The following C2orf42 variants were observed in gnomAD, a reference collection of about 807,000 sequenced individuals.
C2orf42 encodes the protein uncharacterized protein C2orf42.
A neutral mutation model predicts 58.9 loss-of-function variants in C2orf42; 44 were observed. That is an observed-to-expected ratio of 0.75 (90% CI 0.59 to 0.96). The LOEUF (loss-of-function observed/expected upper bound fraction) is 0.96. C2orf42 is among the 40% of genes least tolerant of loss of function. C2orf42 has a pLI of 0.00. For synonymous variants in C2orf42, 239 were observed against 265.4 expected, an observed-to-expected ratio of 0.90 and a Z score of 0.97; for missense variants, 630 against 699.2, an observed-to-expected ratio of 0.90 and a Z score of 1.12.
intron 9 of C2orf42, among the ~76,000 whole-genome samples, chr2:70,157,957 T>C (rs187483190): frequency 6.6e-6 from 1 of 152,176 alleles, no homozygotes; most frequent in African/African-American, 2.4e-5. Flanking sequence ...TCCCAGCACT[T>C]TGGGAGGCCG....
At position 70,159,683 on chromosome 2, in the gene C2orf42, CAGACTT is replaced by C. The variant is rs1368236856; in HGVS notation, c.1516+936_1516+941del. Among the ~76,000 whole-genome samples the C allele has an allele frequency of 2.6e-5, 4 of 151,932 alleles. No individual in the cohort carries two copies. In the East Asian group the frequency reaches 7.7e-4, roughly 29 times the overall value. On this transcript the variant is annotated intron_variant, in intron 9 of 9. Transcript: ENST00000264434. The stretch of plus-strand genomic sequence containing the variant: ...GATGAAATTCAAGTACAGTCTAAAA[CAGACTT>C]AGAAGAGATTTTAATTTTTCTTCTT...
intron 9 of C2orf42, among the ~76,000 whole-genome samples, chr2:70,159,904 A>G (rs550301541): frequency 6.6e-6 from 1 of 152,286 alleles, no homozygotes; most frequent in South Asian, 2.1e-4. Flanking sequence ...TATTAAAACT[A>G]AGAGATTTCC....
chr2:70,179,878 G>A (rs917888734), intron 3 of C2orf42, among the ~76,000 whole-genome samples: 1 of 152,006 alleles, frequency 6.6e-6, no homozygotes, highest in Non-Finnish European at 1.5e-5. Context: ...GGTCAAGGCT[G>A]TAATGAGCCG....
intron 6 of C2orf42, among the ~76,000 whole-genome samples, chr2:70,167,855 AGG>A (rs2104900052): frequency 6.6e-6 from 1 of 152,252 alleles, no homozygotes; most frequent in East Asian, 1.9e-4. Context: ...GATGGAATAG[AGG>A]GTGGTACAGG....
chr2:70,189,923 T>C (rs1675228633), intron 1 of C2orf42, among the ~76,000 whole-genome samples: 1 of 151,200 alleles, frequency 6.6e-6, no homozygotes, highest in Admixed American at 6.6e-5. Context: ...TATGCTATTC[T>C]TGGTTTTACT....
intron 9 of C2orf42, among the ~76,000 whole-genome samples, chr2:70,156,026 A>G (rs1435974841): frequency 6.7e-6 from 1 of 149,792 alleles, no homozygotes; most frequent in African/African-American, 2.5e-5. Context: ...ATGGTGGCAC[A>G]TGCCTGTAAT....
chr2:70,165,432 C>CT lies in C2orf42; in HGVS notation c.1252+95dup. The CT allele has an allele frequency of 4.0e-6, 3 of 752,904 alleles. No homozygotes were observed. The South Asian group carries it at 4.8e-5, about 12-fold the overall frequency. The allele number at this position is 752,904 out of a possible 1,614,324, so 46.6% of individuals were successfully genotyped here. ...AGACATGTGAGTAGAAGTCCTAACT[C>CT]TGAATACTCACGGTGAATATTCCAC... On this transcript the variant is annotated intron_variant, in intron 7 of 9. Coordinates refer to ENST00000264434, the MANE Select transcript of C2orf42 (RefSeq NM_017880.3).
intron 3 of C2orf42, among the ~76,000 whole-genome samples, chr2:70,180,607 CAAA>C (rs59381817): frequency 3.5e-5 from 2 of 57,060 alleles, no homozygotes; most frequent in African/African-American, 6.7e-5. Context: ...GATTCTGTCT[CAAA>C]AAAAAAAAAA....
At position 70,181,591 on chromosome 2, in the gene C2orf42, T is replaced by C; in HGVS notation, c.395A>G (p.Gln132Arg). ...CACCGCCAGCTTGATGTGCTGGCAC[T>C]GGTTTTCCACAACGCCTTGAGTGGC... ...KAATQGVVEN[Q>R]CQHIKLAVNC... is the part of the protein sequence containing the mutation. Residue 132 changes from glutamine to arginine, a missense_variant, in exon 3 of 10, where the codon CAG (glutamine) becomes CGG (arginine). Physicochemically the swap from Gln to Arg is conservative, Grantham distance 43. Transcript: ENST00000264434. The C allele has an allele frequency of 6.2e-7, 1 of 1,614,134 alleles. No individual in the cohort carries two copies. Among genetic ancestry groups the C allele is most frequent in the Non-Finnish European group, 8.5e-7 (1 of 1,180,016 alleles).
chr2:70,152,494 G>A (rs1053702801), intron 9 of C2orf42, among the ~76,000 whole-genome samples: 1 of 152,198 alleles, frequency 6.6e-6, no homozygotes, highest in African/African-American at 2.4e-5. Context: ...TGGATGGAAA[G>A]AAACCTACCC....
intron 1 of C2orf42, among the ~76,000 whole-genome samples, chr2:70,185,365 G>A (rs1049684299): frequency 1.3e-5 from 2 of 151,816 alleles, no homozygotes; most frequent in East Asian, 1.9e-4. Context: ...CTGAGATCAC[G>A]CCATTGCACT....
At chr2:70,180,897 G>A (rs1399002713) in intron 3 of C2orf42, among the ~76,000 whole-genome samples, 1 of 150,736 alleles carries the variant, frequency 6.6e-6, no homozygotes, top group African/African-American at 2.4e-5. Flanking sequence ...AGCTATCTGC[G>A]GGGACTGAGG....
chr2:70,185,515 A>C (rs1476597156), intron 1 of C2orf42, among the ~76,000 whole-genome samples: 1 of 152,058 alleles, frequency 6.6e-6, no homozygotes, highest in Non-Finnish European at 1.5e-5. Context: ...GTTCGAGACC[A>C]GCCTAGCCAA....
chr2:70,189,054 T>C lies in C2orf42; in HGVS notation c.-282+1919A>G, dbSNP rs1031548509. 5.3e-5 allele frequency among the ~76,000 whole-genome samples: 8 copies of C among 152,108 alleles called. No individual in the cohort carries two copies. The East Asian group carries it at 9.6e-4, about 18-fold the overall frequency. The stretch of plus-strand genomic sequence containing the variant: ...AAGAAGATACTGGTGTAATTAATTA[T>C]GGTATGCCTACAAAATGGAATACTT... On this transcript the variant is annotated intron_variant, in intron 1 of 9. Transcript: ENST00000264434.
At chr2:70,162,741 G>C (rs894748136) in intron 8 of C2orf42, among the ~76,000 whole-genome samples, 2 of 151,996 alleles carry the variant, frequency 1.3e-5, no homozygotes, top group Non-Finnish European at 1.5e-5. Flanking sequence ...TAAATCGCTG[G>C]TATTATAGCC....
chr2:70,156,748 G>C (rs2104840115), intron 9 of C2orf42, among the ~76,000 whole-genome samples: 1 of 151,956 alleles, frequency 6.6e-6, no homozygotes, highest in African/African-American at 2.4e-5. Flanking sequence ...TGTAGTCCCA[G>C]CTACTCAGGA....
At chr2:70,165,704 T>G in intron 6 of C2orf42, 69 bp from the exon 7 acceptor site, 1 of 847,924 alleles carries the variant, frequency 1.2e-6, no homozygotes, top group Admixed American at 1.9e-5. Context: ...CAGGGAGAGG[T>G]GAAAGAAAAG....
At chr2:70,188,463 T>G (rs1390066843) in intron 1 of C2orf42, among the ~76,000 whole-genome samples, 1 of 152,220 alleles carries the variant, frequency 6.6e-6, no homozygotes, top group African/African-American at 2.4e-5. Context: ...GTACTGGGAT[T>G]ACAGGCGTGA....
intron 9 of C2orf42, among the ~76,000 whole-genome samples, chr2:70,155,497 T>C (rs1465235895): frequency 6.6e-6 from 1 of 152,014 alleles, no homozygotes; most frequent in Non-Finnish European, 1.5e-5. Context: ...TAAAGAATAC[T>C]TTTGAAAAAT....
Sources: gnomAD v4.1 joint callset for allele counts (sites outside exome capture counted in the v4.1 genomes callset) on GRCh38, gnomAD v4.1.1 for gene constraint, MANE v1.5 for transcripts, NCBI Gene and HGNC (gene_info 2026-07-23, HGNC 2026-07-21) for gene names.